Variants in ASIC2 observed in about 807,000 individuals in gnomAD.
ASIC2 encodes the protein acid sensing ion channel subunit 2.
Under a neutral mutation model 57.3 loss-of-function variants are expected in ASIC2, and 25 were observed. That is an observed-to-expected ratio of 0.44 (90% CI 0.32 to 0.61). The LOEUF is 0.61. Among genes scored for constraint, ASIC2 ranks in the 20% least tolerant of loss-of-function variants. ASIC2 has a pLI of 0.06. For synonymous variants in ASIC2, 319 were observed against 307.5 expected (o/e 1.04, Z -0.39); for missense variants, 641 against 738.1 (o/e 0.87, Z 1.52).
At chr17:33,712,043 A>G (rs141609534) in intron 1 of ASIC2, among the ~76,000 whole-genome samples, 5 of 152,310 alleles carry the variant, frequency 3.3e-5, no homozygotes, top group African/African-American at 9.6e-5. Context: ...ACCTCCCATG[A>G]TGTAACAGTA....
At chr17:34,016,671 T>C (rs1235788426) in intron 1 of ASIC2, among the ~76,000 whole-genome samples, 1 of 152,228 alleles carries the variant, frequency 6.6e-6, no homozygotes. Context: ...CTATCTTTAC[T>C]GGAAGGATCC....
intron 3 of ASIC2, among the ~76,000 whole-genome samples, chr17:33,065,948 A>T (rs915500687): frequency 6.6e-6 from 1 of 152,186 alleles, no homozygotes; most frequent in Admixed American, 6.5e-5. Context: ...TGATAAAGGT[A>T]GGGCTGGGCT....
intron 1 of ASIC2, among the ~76,000 whole-genome samples, chr17:33,621,265 A>T (rs1424569812): frequency 6.6e-6 from 1 of 152,176 alleles, no homozygotes; most frequent in Non-Finnish European, 1.5e-5. Context: ...AAGAGTCCAG[A>T]CCTTGTCTAT....
intron 2 of ASIC2, among the ~76,000 whole-genome samples, chr17:33,093,603 GCAGAAGCCACAGTCTCC>G: frequency 6.6e-6 from 1 of 152,266 alleles, no homozygotes; most frequent in Admixed American, 6.5e-5. Flanking sequence ...AGTTCAGCCT[GCAGAAGCCACAGTCTCC>G]CAGCATTTTC....
chr17:33,955,105 G>T (rs1904693923), intron 1 of ASIC2: 1 of 152,184 alleles, frequency 6.6e-6, no homozygotes, highest in Non-Finnish European at 1.5e-5. Flanking sequence ...ATAAGGAAAT[G>T]AAAGCTTAGA....
chr17:33,911,674 C>G (rs1212223301), intron 1 of ASIC2, among the ~76,000 whole-genome samples: 1 of 152,164 alleles, frequency 6.6e-6, no homozygotes, highest in Non-Finnish European at 1.5e-5. Flanking sequence ...TGGGATAGAC[C>G]ACAGCAGACC....
rs537997773 is a variant in ASIC2 at position 33,590,788 on chromosome 17, G to A, written c.556-478721C>T. Among the ~76,000 whole-genome samples the A allele has an allele frequency of 3.2e-4, 49 of 152,310 alleles. 1 individual carries two copies. The South Asian group carries it at 9.1e-3, about 28-fold the overall frequency. ...GACATACAAAGGAAGCCAGGCTGCCGTTTTCACTTAGAGTGTCCACAGGTC... is the reference window on the plus strand; with the variant it reads ...GACATACAAAGGAAGCCAGGCTGCCATTTTCACTTAGAGTGTCCACAGGTC... On this transcript the variant is annotated intron_variant, in intron 1 of 9. Transcript: ENST00000359872.
chr17:33,671,360 A>G (rs1035123053), intron 1 of ASIC2, among the ~76,000 whole-genome samples: 1 of 152,170 alleles, frequency 6.6e-6, no homozygotes, highest in Non-Finnish European at 1.5e-5. Flanking sequence ...AGACTAACAC[A>G]CATTGAGGGT....
chr17:33,656,670 C>T (rs1011588719), intron 1 of ASIC2, among the ~76,000 whole-genome samples: 4 of 152,194 alleles, frequency 2.6e-5, no homozygotes, highest in African/African-American at 9.7e-5. Context: ...CCTCCTGGAA[C>T]CTCCAAGCCT....
intron 1 of ASIC2, among the ~76,000 whole-genome samples, chr17:33,736,370 T>A (rs976170268): frequency 3.3e-5 from 5 of 152,176 alleles, no homozygotes; most frequent in Admixed American, 2.6e-4. Flanking sequence ...CCATATTTTA[T>A]CATGCAGACA....
chr17:33,241,233 T>G (rs1001236462), intron 1 of ASIC2, among the ~76,000 whole-genome samples: 2 of 152,232 alleles, frequency 1.3e-5, no homozygotes, highest in Non-Finnish European at 2.9e-5. Context: ...ATTGGGTACT[T>G]TATTAAGACT....
intron 1 of ASIC2, among the ~76,000 whole-genome samples, chr17:34,127,879 T>A (rs1911834809): frequency 6.6e-6 from 1 of 152,308 alleles, no homozygotes; most frequent in African/African-American, 2.4e-5. Context: ...TGGCTTTCTC[T>A]ATGCTGAGCA....
chr17:33,478,939 A>C (rs1351830576), intron 1 of ASIC2, among the ~76,000 whole-genome samples: 1 of 152,202 alleles, frequency 6.6e-6, no homozygotes, highest in Non-Finnish European at 1.5e-5. Context: ...GCATGTCAAG[A>C]TAATACTGTT....
intron 1 of ASIC2, among the ~76,000 whole-genome samples, chr17:34,007,952 C>T (rs910638441): frequency 1.4e-4 from 21 of 152,166 alleles, no homozygotes; most frequent in African/African-American, 4.8e-4. Flanking sequence ...AACACACAAA[C>T]ATACTCCTTG....
intron 2 of ASIC2, among the ~76,000 whole-genome samples, chr17:33,103,047 T>A (rs187944803): frequency 3.9e-5 from 6 of 152,346 alleles, no homozygotes; most frequent in Non-Finnish European, 7.4e-5. Flanking sequence ...CCTCCCAAAG[T>A]GCTGGTATTA....
intron 2 of ASIC2, among the ~76,000 whole-genome samples, chr17:33,108,561 G>A (rs11654703): frequency 2.0e-5 from 3 of 152,018 alleles, no homozygotes; most frequent in Middle Eastern, 3.4e-3. Context: ...TCTCACCTGC[G>A]AGAGCCCACC....
chr17:33,614,427 T>A (rs779978626), intron 1 of ASIC2, among the ~76,000 whole-genome samples: 3 of 152,194 alleles, frequency 2.0e-5, no homozygotes, highest in Admixed American at 6.5e-5. Context: ...TCTTCTTCCT[T>A]AGACTGAGCC....
At chr17:33,162,260 C>A (rs970325682) in intron 1 of ASIC2, among the ~76,000 whole-genome samples, 9 of 152,180 alleles carry the variant, frequency 5.9e-5, no homozygotes, top group African/African-American at 2.2e-4. Context: ...TTAGGCACAA[C>A]TGAGAAGCAA....
chr17:33,241,402 C>G (rs1291866193), intron 1 of ASIC2, among the ~76,000 whole-genome samples: 1 of 152,228 alleles, frequency 6.6e-6, no homozygotes, highest in African/African-American at 2.4e-5. Context: ...TTCTCCTCAA[C>G]CCCCTTCCTT....
Sources: gnomAD v4.1 joint callset for allele counts (sites outside exome capture counted in the v4.1 genomes callset) on GRCh38, gnomAD v4.1.1 for gene constraint, MANE v1.5 for transcripts, NCBI Gene and HGNC (gene_info 2026-07-23, HGNC 2026-07-21) for gene names.